CNGB3: variants seen among roughly 807,000 people sequenced by gnomAD.
CNGB3 encodes cyclic nucleotide-gated channel beta-3.
A neutral mutation model predicts 92.8 loss-of-function variants in CNGB3; 86 were observed. The ratio of observed to expected loss-of-function variants is 0.93; its 90% CI spans 0.78 to 1.11. The LOEUF (loss-of-function observed/expected upper bound fraction) is 1.11, where lower values mean the gene tolerates loss of function less well. Ranked by LOEUF, CNGB3 falls within the 50% of genes least tolerant of loss-of-function variation. The pLI, the probability that CNGB3 is intolerant of heterozygous loss-of-function variation, is 0.00. For synonymous variants in CNGB3, 333 were observed against 332.7 expected, an observed-to-expected ratio of 1.00 and a Z score of -0.01; for missense variants, 1,026 against 956.8, an observed-to-expected ratio of 1.07 and a Z score of -0.95.
At chr8:86,591,433 CA>C (rs1822033241) in intron 15 of CNGB3, among the ~76,000 whole-genome samples, 2 of 151,302 alleles carry the variant, frequency 1.3e-5, no homozygotes, top group South Asian at 4.2e-4. Flanking sequence ...TTAGAGTTTC[CA>C]GTTTTTCTGT....
At chr8:86,604,021 A>G in intron 15 of CNGB3, 72 bp downstream of exon 15, 2 of 978,388 alleles carry the variant, frequency 2.0e-6, no homozygotes, top group Non-Finnish European at 3.3e-6. Flanking sequence ...GCGGGAACTT[A>G]TTTTACTACC....
In CNGB3 at chr8:86,574,326, T is replaced by A. The variant is rs538697794; in HGVS notation, c.*1478A>T. On this transcript the variant is annotated 3_prime_UTR_variant, in exon 18 of 18. Transcript: ENST00000320005. Reference sequence around the variant, plus strand: ...ATTCTACCTTTTGTTTCTGGGTTTTTAAATCACCCTTTTTATACGCAATTC... The same window carrying A: ...ATTCTACCTTTTGTTTCTGGGTTTTAAAATCACCCTTTTTATACGCAATTC... 1 of 152,310 alleles carries A rather than the reference T, an allele frequency of 6.6e-6. No homozygotes were observed. Among genetic ancestry groups the A allele is most frequent in the African/African-American group, 2.4e-5 (1 of 41,582 alleles). 9.4% of individuals were successfully genotyped at this position (152,310 alleles called of 1,614,324 possible).
chr8:86,650,622 C>T (rs1272151969), intron 7 of CNGB3, among the ~76,000 whole-genome samples: 1 of 151,550 alleles, frequency 6.6e-6, no homozygotes, highest in Non-Finnish European at 1.5e-5. Flanking sequence ...GAGATGCCAC[C>T]TTATTCCTGA....
At chr8:86,649,263 C>T (rs1027679337) in intron 7 of CNGB3, among the ~76,000 whole-genome samples, 4 of 151,444 alleles carry the variant, frequency 2.6e-5, no homozygotes, top group Non-Finnish European at 4.4e-5. Flanking sequence ...TCTACAGATC[C>T]AATGCAATTC....
chr8:86,721,819 A>G (rs979910301), intron 3 of CNGB3, among the ~76,000 whole-genome samples: 1 of 152,146 alleles, frequency 6.6e-6, no homozygotes, highest in African/African-American at 2.4e-5. Context: ...TCAACTATGA[A>G]GTCACATATG....
chr8:86,597,741 A>G (rs1398832377), intron 15 of CNGB3, among the ~76,000 whole-genome samples: 1 of 152,136 alleles, frequency 6.6e-6, no homozygotes, highest in Non-Finnish European at 1.5e-5. Flanking sequence ...GCACTCTGGG[A>G]GGCCGAGGCA....
chr8:86,656,891 T>C (rs1436710240), intron 6 of CNGB3, among the ~76,000 whole-genome samples: 2 of 152,178 alleles, frequency 1.3e-5, no homozygotes, highest in South Asian at 2.1e-4. Context: ...CTCCTCCCCA[T>C]GTACCAGCTT....
chr8:86,594,484 A>G (rs1585956655), intron 15 of CNGB3: 1 of 288,700 alleles, frequency 3.5e-6, no homozygotes, highest in Non-Finnish European at 6.7e-6. Context: ...CCAGGAGGGG[A>G]CCCGACACGT....
intron 15 of CNGB3, among the ~76,000 whole-genome samples, chr8:86,582,364 A>C (rs1383155589): frequency 6.6e-6 from 1 of 150,872 alleles, no homozygotes; most frequent in Non-Finnish European, 1.5e-5. Context: ...ACTGCACTCC[A>C]GCCTGGGCAA....
intron 3 of CNGB3, among the ~76,000 whole-genome samples, chr8:86,716,733 A>C (rs185410052): frequency 4.6e-5 from 7 of 152,326 alleles, no homozygotes; most frequent in Non-Finnish European, 1.5e-5. Context: ...CTAAATCTTG[A>C]AATAAAACCT....
intron 15 of CNGB3, among the ~76,000 whole-genome samples, chr8:86,597,636 T>A (rs1822201947): frequency 6.6e-6 from 1 of 152,036 alleles, no homozygotes; most frequent in Admixed American, 6.6e-5. Context: ...TGTGACTGGA[T>A]AGAGTGTGGT....
At chr8:86,688,544 T>A (rs1824233649) in intron 3 of CNGB3, among the ~76,000 whole-genome samples, 1 of 152,050 alleles carries the variant, frequency 6.6e-6, no homozygotes. Context: ...ATTTTATTTT[T>A]TTGAGACAGT....
At chr8:86,616,845 T>G (rs1402907112) in intron 13 of CNGB3, among the ~76,000 whole-genome samples, 6 of 152,186 alleles carry the variant, frequency 3.9e-5, no homozygotes, top group Non-Finnish European at 7.3e-5. Context: ...AGGTCACACA[T>G]GCGGTAGGTA....
rs1471470504 is a variant in CNGB3 at position 86,669,197 on chromosome 8, C to CT, written c.494-1030dup. Among the ~76,000 whole-genome samples the CT allele has an allele frequency of 2.0e-5, 3 of 152,082 alleles. No individual in the cohort carries two copies. In the East Asian group the frequency reaches 5.8e-4, roughly 29 times the overall value. ...TATGTTAAAATAATTGAGCTGTACACTTAATATTTGTGGATTTTACAGTTT... is the reference window on the plus strand; with the variant it reads ...TATGTTAAAATAATTGAGCTGTACACTTTAATATTTGTGGATTTTACAGTTT... On this transcript the variant is annotated intron_variant, in intron 4 of 17. Coordinates refer to ENST00000320005, the MANE Select transcript of CNGB3 (RefSeq NM_019098.5).
chr8:86,605,626 T>C (rs1393924508), intron 14 of CNGB3, among the ~76,000 whole-genome samples: 1 of 152,210 alleles, frequency 6.6e-6, no homozygotes, highest in Non-Finnish European at 1.5e-5. Context: ...ATATTTAGCC[T>C]ACATCATTCT....
intron 3 of CNGB3, among the ~76,000 whole-genome samples, chr8:86,724,958 G>C (rs1825035034): frequency 6.6e-6 from 1 of 152,142 alleles, no homozygotes; most frequent in Non-Finnish European, 1.5e-5. Flanking sequence ...CAGGGCCTGA[G>C]AGGTCATGTC....
At chr8:86,663,281 G>A (rs1226903335) in intron 6 of CNGB3, among the ~76,000 whole-genome samples, 2 of 152,208 alleles carry the variant, frequency 1.3e-5, no homozygotes, top group African/African-American at 2.4e-5. Context: ...GTGCATGTGA[G>A]TGTCTCTTAT....
intron 13 of CNGB3, among the ~76,000 whole-genome samples, chr8:86,618,232 C>T (rs1822654316): frequency 6.6e-6 from 1 of 152,184 alleles, no homozygotes; most frequent in Non-Finnish European, 1.5e-5. Context: ...TGACCCACCA[C>T]TCAACTCCTT....
intron 8 of CNGB3, among the ~76,000 whole-genome samples, chr8:86,647,355 G>A (rs182743684): frequency 2.5e-4 from 37 of 150,862 alleles, no homozygotes; most frequent in Admixed American, 6.6e-4. Flanking sequence ...GTAAAAGTAT[G>A]TTTACATTTT....
Sources: gnomAD v4.1 joint callset for allele counts (sites outside exome capture counted in the v4.1 genomes callset) on GRCh38, gnomAD v4.1.1 for gene constraint, MANE v1.5 for transcripts, NCBI Gene and HGNC (gene_info 2026-07-23, HGNC 2026-07-21) for gene names.